Variants in TAFA5 observed in about 807,000 individuals in gnomAD.
TAFA5 encodes TAFA chemokine like family member 5.
In TAFA5, 6 loss-of-function variants were observed where a neutral mutation model predicts 15.3. The ratio of observed to expected loss-of-function variants is 0.39; its 90% CI spans 0.21 to 0.77. TAFA5 has a LOEUF of 0.77. Ranked by LOEUF, TAFA5 falls within the 30% of genes least tolerant of loss-of-function variation. The probability of loss-of-function intolerance (pLI) is 0.41; values close to 1 mark genes in which losing one functional copy is unlikely to be tolerated. For missense variants in TAFA5, 161 were observed against 193.1 expected (o/e 0.83, Z 0.98); for synonymous variants, 103 against 80.7 (o/e 1.28, Z -1.48).
chr22:48,716,651 G>A (rs1401625625), intron 3 of TAFA5, among the ~76,000 whole-genome samples: 5 of 152,310 alleles, frequency 3.3e-5, no homozygotes, highest in African/African-American at 7.2e-5. Context: ...AAACCTGCAC[G>A]TTCTGCACAT....
At chr22:48,622,793 C>T (rs925276123) in intron 1 of TAFA5, among the ~76,000 whole-genome samples, 6 of 152,314 alleles carry the variant, frequency 3.9e-5, no homozygotes, top group African/African-American at 9.6e-5. Flanking sequence ...ACAGGCCCCT[C>T]GCCCTGACTC....
At chr22:48,717,391 T>G (rs1929433945) in intron 3 of TAFA5, among the ~76,000 whole-genome samples, 2 of 152,180 alleles carry the variant, frequency 1.3e-5, no homozygotes, top group African/African-American at 4.8e-5. Context: ...GCCCTGCACG[T>G]ACCTGTGCTT....
intron 1 of TAFA5, among the ~76,000 whole-genome samples, chr22:48,588,795 C>G (rs996758822): frequency 1.3e-5 from 2 of 152,140 alleles, no homozygotes; most frequent in Non-Finnish European, 2.9e-5. Flanking sequence ...ACTCAGGAAT[C>G]TGTGGGAAGA....
At chr22:48,643,819 C>T (rs1246057706) in intron 1 of TAFA5, among the ~76,000 whole-genome samples, 1 of 152,200 alleles carries the variant, frequency 6.6e-6, no homozygotes, top group Admixed American at 6.5e-5. Flanking sequence ...CACCATGAGT[C>T]TCTGCTGGGG....
chr22:48,706,263 G>A (rs988009697), intron 2 of TAFA5, among the ~76,000 whole-genome samples: 6 of 152,230 alleles, frequency 3.9e-5, no homozygotes, highest in East Asian at 1.9e-4. Flanking sequence ...GGCTTCATGC[G>A]TGCATTGCCC....
At chr22:48,541,889 G>T (rs1922386879) in intron 1 of TAFA5, among the ~76,000 whole-genome samples, 1 of 152,208 alleles carries the variant, frequency 6.6e-6, no homozygotes, top group Admixed American at 6.5e-5. Flanking sequence ...CTCCCCCGGG[G>T]CATGTTGGGG....
intron 1 of TAFA5, among the ~76,000 whole-genome samples, chr22:48,551,030 A>G (rs936485441): frequency 1.3e-5 from 2 of 151,902 alleles, no homozygotes; most frequent in African/African-American, 4.8e-5. Flanking sequence ...CCTCTCCCCC[A>G]GGGCTGCTCT....
chr22:48,722,109 C>T (rs375768418), intron 3 of TAFA5, among the ~76,000 whole-genome samples: 2 of 152,140 alleles, frequency 1.3e-5, no homozygotes, highest in East Asian at 1.9e-4. Flanking sequence ...CTTGAGGAAT[C>T]GCCACACTGT....
At chr22:48,708,058 G>T (rs560856534) in intron 3 of TAFA5, among the ~76,000 whole-genome samples, 1 of 152,064 alleles carries the variant, frequency 6.6e-6, no homozygotes, top group Non-Finnish European at 1.5e-5. Flanking sequence ...GTACATGGGG[G>T]CTGAGAGCTG....
chr22:48,675,531 C>T (rs1927944742), intron 2 of TAFA5, among the ~76,000 whole-genome samples: 2 of 152,270 alleles, frequency 1.3e-5, no homozygotes, highest in Admixed American at 1.3e-4. Flanking sequence ...GCTGGAGAAG[C>T]TTTGCCCAGA....
At chr22:48,739,844 G>A (rs937184196) in intron 3 of TAFA5, among the ~76,000 whole-genome samples, 7 of 152,114 alleles carry the variant, frequency 4.6e-5, no homozygotes, top group African/African-American at 9.7e-5. Context: ...TGCATTTGCC[G>A]TGCACAGCTC....
At chr22:48,595,164 C>T (rs1471121239) in intron 1 of TAFA5, among the ~76,000 whole-genome samples, 1 of 152,206 alleles carries the variant, frequency 6.6e-6, no homozygotes, top group Non-Finnish European at 1.5e-5. Flanking sequence ...AGCCTGCATG[C>T]CCCAATTGGG....
At chr22:48,516,437 C>G (rs1053250790) in intron 1 of TAFA5, among the ~76,000 whole-genome samples, 3 of 152,132 alleles carry the variant, frequency 2.0e-5, no homozygotes, top group Admixed American at 6.5e-5. Flanking sequence ...ATATTCAGTG[C>G]AGACATCATC....
At chr22:48,538,492 A>C (rs773721912) in intron 1 of TAFA5, among the ~76,000 whole-genome samples, 5 of 152,174 alleles carry the variant, frequency 3.3e-5, no homozygotes, top group African/African-American at 4.8e-5. Flanking sequence ...CAGAATGAGG[A>C]CCAGGTGGTG....
intron 2 of TAFA5, among the ~76,000 whole-genome samples, chr22:48,676,929 G>T (rs1016611404): frequency 6.6e-6 from 1 of 152,182 alleles, no homozygotes; most frequent in Admixed American, 6.5e-5. Context: ...TAGGGTGGGG[G>T]TCACCTTTTT....
chr22:48,659,845 C>T (rs911874781), intron 2 of TAFA5, among the ~76,000 whole-genome samples: 2 of 152,198 alleles, frequency 1.3e-5, no homozygotes, highest in Non-Finnish European at 2.9e-5. Flanking sequence ...AACATACAGT[C>T]CCCATGCTGT....
chr22:48,528,858 T>G (rs959221912), intron 1 of TAFA5, among the ~76,000 whole-genome samples: 3 of 152,120 alleles, frequency 2.0e-5, no homozygotes, highest in Non-Finnish European at 4.4e-5. Flanking sequence ...TTGCTTTCCT[T>G]GGGGCCCAGA....
At chr22:48,522,485 C>T (rs977755394) in intron 1 of TAFA5, among the ~76,000 whole-genome samples, 9 of 152,082 alleles carry the variant, frequency 5.9e-5, no homozygotes, top group Non-Finnish European at 7.4e-5. Flanking sequence ...GGTGGGCTCC[C>T]TGGGGCAGTG....
chr22:48,642,081 T>G (rs1346950018), intron 1 of TAFA5, among the ~76,000 whole-genome samples: 1 of 148,014 alleles, frequency 6.8e-6, no homozygotes, highest in Non-Finnish European at 1.5e-5. Context: ...CCTGCACTTT[T>G]CTGAGGGGGG....
Sources: allele counts gnomAD v4.1 joint callset (sites outside exome capture counted in the v4.1 genomes callset), GRCh38; gene constraint gnomAD v4.1.1; transcripts MANE v1.5; gene names NCBI Gene and HGNC (gene_info 2026-07-23, HGNC 2026-07-21).